The following ZNF562 variants were observed in gnomAD, a reference collection of about 807,000 sequenced individuals.
ZNF562 encodes zinc finger protein 562.
ZNF562 carries 13 observed loss-of-function variants against 17.5 expected under a neutral mutation model. The ratio of observed to expected loss-of-function variants is 0.74; its 90% CI spans 0.48 to 1.18. The LOEUF (loss-of-function observed/expected upper bound fraction) is 1.18. Among genes scored for constraint, ZNF562 ranks in the 50% most tolerant of loss-of-function variants. The pLI, the probability that ZNF562 is intolerant of heterozygous loss-of-function variation, is 0.00. For missense variants in ZNF562, 481 were observed against 498.5 expected (o/e 0.96, Z 0.33); for synonymous variants, 163 against 165.4 (o/e 0.99, Z 0.11).
rs978802310 is a variant in ZNF562 at position 9,644,373 on chromosome 19, T to G, written c.*8576A>C. On this transcript the variant is annotated 3_prime_UTR_variant, in exon 6 of 6. Transcript: ENST00000453372. ...TGGGAGGCCCAGAAGAGAGGATTACTCTAGCTCAGGAGTTTGAGGACAGCC... is the reference window on the plus strand; with the variant it reads ...TGGGAGGCCCAGAAGAGAGGATTACGCTAGCTCAGGAGTTTGAGGACAGCC... The G allele has an allele frequency of 6.6e-6, 1 of 152,156 alleles. No individual in the cohort carries two copies. Among genetic ancestry groups the G allele is most frequent in the Non-Finnish European group, 1.5e-5 (1 of 68,038 alleles). The allele number at this position is 152,156 out of a possible 1,614,324, so 9.4% of individuals were successfully genotyped here. A position where few individuals can be genotyped will look rare whatever the true frequency, so the allele number is the denominator to read the frequency against.
chr19:9,658,481 A>C (rs566939783), intron 3 of ZNF562: 1 of 306,764 alleles, frequency 3.3e-6, no homozygotes, highest in Non-Finnish European at 4.8e-6. Context: ...TCCCAAGTAG[A>C]TGGGATTACA....
rs61660395 is a variant in ZNF562 at position 9,670,999 on chromosome 19, C to CAA, written c.-131+4014_-131+4015dup. ...TGGGTGACGGTGAGACTCCATCTCC[C>CAA]AAAAAAAAAAAAAAAAGAGGTTGAT... On this transcript the variant is annotated intron_variant, in intron 1 of 5. Coordinates refer to ENST00000453372, the MANE Select transcript of ZNF562 (RefSeq NM_001130031.2). 8.2e-4 allele frequency among the ~76,000 whole-genome samples: 76 copies of CAA among 92,784 alleles called. 1 individual carries two copies. The highest frequency in any genetic ancestry group is 1.9e-3 in the African/African-American group (51 of 26,614). 60.9% of individuals were successfully genotyped at this position (92,784 alleles called of 152,430 possible).
rs2074804238 is a variant in ZNF562 at position 9,646,068 on chromosome 19, TTTC to T, written c.*6878_*6880del. ...GTTAATTGGTATTATTCAAGTATTT[TTTC>T]TTTTTTTTTTTTTTTTTGTGACAGA... On this transcript the variant is annotated 3_prime_UTR_variant, in exon 6 of 6. Transcript: ENST00000453372. 1 of 151,176 alleles carries T rather than the reference TTTC, an allele frequency of 6.6e-6. No homozygotes were observed. Among genetic ancestry groups the T allele is most frequent in the Non-Finnish European group, 1.5e-5 (1 of 67,792 alleles). The allele number at this position is 151,176 out of a possible 1,614,324, so 9.4% of individuals were successfully genotyped here.
chr19:9,664,316 G>A (rs558994887), intron 1 of ZNF562, among the ~76,000 whole-genome samples: 10 of 152,204 alleles, frequency 6.6e-5, no homozygotes, highest in South Asian at 4.1e-4. Flanking sequence ...TGGTCCACCC[G>A]CCCCAGCCTC....
At chr19:9,665,441 A>T (rs1019325409) in intron 1 of ZNF562, among the ~76,000 whole-genome samples, 1 of 152,160 alleles carries the variant, frequency 6.6e-6, no homozygotes, top group African/African-American at 2.4e-5. Context: ...GTAAAAGATC[A>T]GTCCCTCCCT....
chr19:9,660,418 G>A (rs1568270470), intron 2 of ZNF562, among the ~76,000 whole-genome samples: 1 of 152,050 alleles, frequency 6.6e-6, no homozygotes, highest in Non-Finnish European at 1.5e-5. Context: ...CCTGAGGTCG[G>A]GAGTTCAAGA....
intron 1 of ZNF562, among the ~76,000 whole-genome samples, chr19:9,661,720 G>T (rs781709765): frequency 6.6e-6 from 1 of 152,124 alleles, no homozygotes; most frequent in Non-Finnish European, 1.5e-5. Context: ...GCTTGACCCC[G>T]GGAGGTGGAG....
intron 2 of ZNF562, among the ~76,000 whole-genome samples, chr19:9,660,504 G>T (rs1344979331): frequency 6.6e-6 from 1 of 151,888 alleles, no homozygotes; most frequent in Non-Finnish European, 1.5e-5. Flanking sequence ...GACTCGGGTG[G>T]GTGAGGCAGG....
At position 9,644,770 on chromosome 19, in the gene ZNF562, C is replaced by G. The variant is rs1253618433; in HGVS notation, c.*8179G>C. 2.7e-5 allele frequency: 4 copies of G among 149,946 alleles called. No individual in the cohort carries two copies. The highest frequency in any genetic ancestry group is 1.0e-4 in the African/African-American group (4 of 39,464). 9.3% of individuals were successfully genotyped at this position (149,946 alleles called of 1,614,324 possible). A position where few individuals can be genotyped will look rare whatever the true frequency, so the allele number is the denominator to read the frequency against. On this transcript the variant is annotated 3_prime_UTR_variant, in exon 6 of 6. Transcript: ENST00000453372. The stretch of plus-strand genomic sequence containing the variant: ...AATTACTTGAACAGCATGGGGAAAC[C>G]CCCCCCCATGATTCTATTACCTCCC...
In ZNF562 at chr19:9,649,488, A is replaced by G. The variant is rs1264733721; in HGVS notation, c.*3461T>C. ...GAAATATCACTGAATTCTTTTTCTC[A>G]GCAAGGAACATCCTTGAGAAAGAGA... On this transcript the variant is annotated 3_prime_UTR_variant, in exon 6 of 6. Transcript: ENST00000453372. 1 of 152,214 alleles carries G rather than the reference A, an allele frequency of 6.6e-6. No individual in the cohort carries two copies. Among genetic ancestry groups the G allele is most frequent in the East Asian group, 1.9e-4 (1 of 5,188 alleles). 9.4% of individuals were successfully genotyped at this position (152,214 alleles called of 1,614,324 possible). A position where few individuals can be genotyped will look rare whatever the true frequency, so the allele number is the denominator to read the frequency against.
At chr19:9,654,358 G>A (rs1292166487) in intron 5 of ZNF562, among the ~76,000 whole-genome samples, 1 of 152,076 alleles carries the variant, frequency 6.6e-6, no homozygotes, top group Non-Finnish European at 1.5e-5. Flanking sequence ...CAGTGATCAT[G>A]GCTCACTGTA....
intron 1 of ZNF562, chr19:9,674,675 C>A (rs768223328): frequency 1.8e-4 from 28 of 152,194 alleles, no homozygotes; most frequent in African/African-American, 6.5e-4. Flanking sequence ...CGGGAGAATG[C>A]GGGGCCAGAG....
intron 1 of ZNF562, among the ~76,000 whole-genome samples, chr19:9,667,082 C>G (rs12462643): frequency 0.3 from 45,297 of 152,098 alleles, 8,402 homozygotes; most frequent in African/African-American, 0.51. Context: ...CAAAACTACA[C>G]GCCAATATCA....
At chr19:9,662,436 T>C (rs2043785965) in intron 1 of ZNF562, among the ~76,000 whole-genome samples, 1 of 151,030 alleles carries the variant, frequency 6.6e-6, no homozygotes, top group Non-Finnish European at 1.5e-5. Flanking sequence ...TAGCTGGGCG[T>C]GGTGGCACAC....
At chr19:9,656,851 T>A (rs1032676490) in intron 4 of ZNF562, among the ~76,000 whole-genome samples, 198 bp from the exon 5 acceptor site, 4 of 145,372 alleles carry the variant, frequency 2.8e-5, no homozygotes, top group African/African-American at 1.0e-4. Flanking sequence ...GGTGAAACCC[T>A]CTCTCTAGTA....
intron 5 of ZNF562, among the ~76,000 whole-genome samples, chr19:9,654,223 T>G (rs1022057883): frequency 6.6e-6 from 1 of 152,056 alleles, no homozygotes; most frequent in African/African-American, 2.4e-5. Context: ...ACTCCTGAGT[T>G]CAGGTGAACT....
At position 9,645,298 on chromosome 19, in the gene ZNF562, G is replaced by C. The variant is rs1238991473; in HGVS notation, c.*7651C>G. The C allele has an allele frequency of 2.0e-5, 3 of 152,086 alleles. No homozygotes were observed. The highest frequency in any genetic ancestry group is 4.4e-5 in the Non-Finnish European group (3 of 68,056). The allele number at this position is 152,086 out of a possible 1,614,324, so 9.4% of individuals were successfully genotyped here. ...TTGGCCTCGTGATCCAACCATCTCAGCCTCCCAAAGTGCTGGGTTTAAAGG... is the reference window on the plus strand; with the variant it reads ...TTGGCCTCGTGATCCAACCATCTCACCCTCCCAAAGTGCTGGGTTTAAAGG... On this transcript the variant is annotated 3_prime_UTR_variant, in exon 6 of 6. Coordinates refer to ENST00000453372, the MANE Select transcript of ZNF562 (RefSeq NM_001130031.2).
intron 1 of ZNF562, among the ~76,000 whole-genome samples, chr19:9,663,800 T>A (rs1250110915): frequency 6.6e-6 from 1 of 151,258 alleles, no homozygotes; most frequent in Non-Finnish European, 1.5e-5. Flanking sequence ...CCTCAGCCTC[T>A]CAAGTAGCTG....
In ZNF562 at chr19:9,653,397, T is replaced by C. The variant is rs1337608360; in HGVS notation, c.833A>G (p.His278Arg). The C allele has an allele frequency of 1.2e-6, 2 of 1,614,226 alleles. No homozygotes were observed. Among genetic ancestry groups the C allele is most frequent in the Non-Finnish European group, 1.7e-6 (2 of 1,180,038 alleles). ...SFTNFSQLSAHAKTHKGEKSF... is the reference protein window; with the variant it reads ...SFTNFSQLSARAKTHKGEKSF... ...CTTCTCTCCTTTATGAGTTTTTGCA[T>C]GTGCAGAAAGTTGAGAAAAATTAGT... The change falls in exon 6 of 6, where the codon CAT becomes CGT. Residue 278 changes from histidine to arginine, a missense_variant. Physicochemically the swap from His to Arg is conservative, Grantham distance 29. Transcript: ENST00000453372.
Sources: gnomAD v4.1 joint callset for allele counts (sites outside exome capture counted in the v4.1 genomes callset) on GRCh38, gnomAD v4.1.1 for gene constraint, MANE v1.5 for transcripts, NCBI Gene and HGNC (gene_info 2026-07-23, HGNC 2026-07-21) for gene names.